Variants in CSMD1 observed in about 807,000 individuals in gnomAD.
CSMD1 encodes CUB and Sushi multiple domains 1.
CSMD1 carries 213 observed loss-of-function variants against 417.5 expected under a neutral mutation model. That is an observed-to-expected ratio of 0.51 (90% CI 0.46 to 0.57). The LOEUF (loss-of-function observed/expected upper bound fraction) is 0.57. Among genes scored for constraint, CSMD1 ranks in the 20% least tolerant of loss-of-function variants. CSMD1 has a pLI of 0.00. For synonymous variants in CSMD1, 2,862 were observed against 1,736.8 expected, an observed-to-expected ratio of 1.65 and a Z score of -16.11; for missense variants, 6,923 against 4,529.7, an observed-to-expected ratio of 1.53 and a Z score of -15.17.
At chr8:4,759,713 C>T (rs1422198974) in intron 1 of CSMD1, among the ~76,000 whole-genome samples, 2 of 152,256 alleles carry the variant, frequency 1.3e-5, no homozygotes, top group South Asian at 2.1e-4. Context: ...TGGCTTCCAG[C>T]TCTATCCATG....
intron 5 of CSMD1, among the ~76,000 whole-genome samples, chr8:3,877,207 G>C (rs1046691341): frequency 6.6e-6 from 1 of 152,068 alleles, no homozygotes; most frequent in Non-Finnish European, 1.5e-5. Flanking sequence ...TGGACACTGG[G>C]CTCAGCACCC....
chr8:4,121,240 A>C (rs1217232673), intron 3 of CSMD1, among the ~76,000 whole-genome samples: 1 of 151,870 alleles, frequency 6.6e-6, no homozygotes, highest in African/African-American at 2.4e-5. Context: ...TCAGCCTCCC[A>C]GCTATCTGGG....
chr8:4,560,822 C>T (rs1465716691), intron 2 of CSMD1, among the ~76,000 whole-genome samples: 1 of 152,208 alleles, frequency 6.6e-6, no homozygotes, highest in Admixed American at 6.5e-5. Context: ...TGTTCCTCTT[C>T]TGTCCTTCAC....
chr8:4,143,217 T>C (rs1803898740), intron 3 of CSMD1, among the ~76,000 whole-genome samples: 1 of 151,220 alleles, frequency 6.6e-6, no homozygotes, highest in African/African-American at 2.5e-5. Context: ...CACAGAACGG[T>C]GTGGTCTAAA....
chr8:3,773,341 T>G (rs1375811849), intron 5 of CSMD1, among the ~76,000 whole-genome samples: 2 of 152,132 alleles, frequency 1.3e-5, no homozygotes, highest in Non-Finnish European at 2.9e-5. Flanking sequence ...TGGAGTGCAG[T>G]GGTGCACTCT....
At chr8:4,400,025 T>C (rs918198462) in intron 3 of CSMD1, among the ~76,000 whole-genome samples, 1 of 152,018 alleles carries the variant, frequency 6.6e-6, no homozygotes, top group African/African-American at 2.4e-5. Context: ...CTAGTGGAGG[T>C]AGACAGACAC....
intron 1 of CSMD1, among the ~76,000 whole-genome samples, chr8:4,892,788 A>T (rs67234356): frequency 0.2 from 30,640 of 152,006 alleles, 3,856 homozygotes; most frequent in Non-Finnish European, 0.27. Flanking sequence ...ATAGGGTATA[A>T]ATCTACCTTG....
Position 3,468,769 on chromosome 8 carries a change from G to T in CSMD1, c.1504C>A (p.Leu502Ile). 6.2e-7 allele frequency: 1 copy of T among 1,606,996 alleles called. No homozygotes were observed. ...LIVSMSNQMWLHLQSDDSIGS... is the reference protein window; with the variant it reads ...LIVSMSNQMWIHLQSDDSIGS... The stretch of plus-strand genomic sequence containing the variant: ...ATGCTATCATCCGACTGCAGATGTA[G>T]CCACATCTGGTTGCTCATGCTCACA... Residue 502 changes from leucine to isoleucine, a missense_variant, in exon 12 of 70, where the codon CTA becomes ATA. Physicochemically the swap from Leu to Ile is conservative, Grantham distance 5 (BLOSUM62 2). Coordinates refer to ENST00000635120, the MANE Select transcript of CSMD1 (RefSeq NM_033225.6).
intron 1 of CSMD1, among the ~76,000 whole-genome samples, chr8:4,923,748 G>C (rs912624792): frequency 6.6e-6 from 1 of 152,008 alleles, no homozygotes; most frequent in African/African-American, 2.4e-5. Context: ...AAGGAACCTT[G>C]GAAAGGTCAT....
At chr8:4,291,125 G>A (rs1453065082) in intron 3 of CSMD1, among the ~76,000 whole-genome samples, 1 of 152,074 alleles carries the variant, frequency 6.6e-6, no homozygotes, top group African/African-American at 2.4e-5. Context: ...TTCTATGACA[G>A]GAATCTGAGT....
chr8:3,899,782 C>A (rs1006357504), intron 5 of CSMD1, among the ~76,000 whole-genome samples: 1 of 152,168 alleles, frequency 6.6e-6, no homozygotes, highest in Non-Finnish European at 1.5e-5. Context: ...CAGTTTTGAC[C>A]TGACTGGAAG....
chr8:2,935,507 A>G lies in CSMD1; in HGVS notation c.*3078T>C, dbSNP rs1383961106. ...CCACTTTAATATTAATACATGTGTA[A>G]TAGGATTGGAACTGAAAATCAGCTA... On this transcript the variant is annotated 3_prime_UTR_variant, in exon 70 of 70. Coordinates refer to ENST00000635120, the MANE Select transcript of CSMD1 (RefSeq NM_033225.6). 1.3e-5 allele frequency: 2 copies of G among 152,190 alleles called. No homozygotes were observed. The highest frequency in any genetic ancestry group is 4.8e-5 in the African/African-American group (2 of 41,444). The allele number at this position is 152,190 out of a possible 1,614,324, so 9.4% of individuals were successfully genotyped here. A position where few individuals can be genotyped will look rare whatever the true frequency, so the allele number is the denominator to read the frequency against.
Position 4,867,422 on chromosome 8 carries a change from C to G in CSMD1, c.85+126910G>C, listed in dbSNP as rs183899915. 1.6e-3 allele frequency among the ~76,000 whole-genome samples: 241 copies of G among 152,052 alleles called. 3 individuals carry two copies. Among genetic ancestry groups the G allele is most frequent in the African/African-American group, 5.4e-3 (223 of 41,432 alleles). On this transcript the variant is annotated intron_variant, in intron 1 of 69. Coordinates refer to ENST00000635120, the MANE Select transcript of CSMD1 (RefSeq NM_033225.6). The stretch of plus-strand genomic sequence containing the variant: ...ACTAAGATGCAGAACTTAAATACAC[C>G]CCTGTAAATAAAGACATTCCAATAA...
intron 1 of CSMD1, among the ~76,000 whole-genome samples, chr8:4,670,261 T>G (rs1396965390): frequency 6.6e-6 from 1 of 152,232 alleles, no homozygotes; most frequent in African/African-American, 2.4e-5. Context: ...TGGCCTTTAG[T>G]CTCCTGGAAG....
intron 3 of CSMD1, among the ~76,000 whole-genome samples, chr8:4,112,767 C>G (rs997628424): frequency 3.9e-5 from 6 of 152,176 alleles, no homozygotes; most frequent in Non-Finnish European, 5.9e-5. Context: ...AATGCTCCAG[C>G]TTATGGCTCC....
Position 3,397,968 on chromosome 8 carries a change from T to C in CSMD1, c.2405+1423A>G, listed in dbSNP as rs78049203. On this transcript the variant is annotated intron_variant, in intron 16 of 69. Transcript: ENST00000635120. ...TTCATCTTTTAAGAGCTGTGTACTA[T>C]GTCTAGAGTACAGATCACACATGTC... is the stretch of plus-strand genomic sequence containing the variant. 2.2e-4 allele frequency among the ~76,000 whole-genome samples: 33 copies of C among 152,318 alleles called. No individual in the cohort carries two copies. In the East Asian group the frequency reaches 2.3e-3, roughly 11 times the overall value.
intron 3 of CSMD1, among the ~76,000 whole-genome samples, chr8:4,060,927 A>C (rs900621733): frequency 4.6e-5 from 7 of 152,336 alleles, no homozygotes; most frequent in Middle Eastern, 3.4e-3. Flanking sequence ...CAGTAGAAGA[A>C]ACCAACATAG....
At chr8:4,139,889 A>C (rs73178305) in intron 3 of CSMD1, among the ~76,000 whole-genome samples, 1 of 150,604 alleles carries the variant, frequency 6.6e-6, no homozygotes, top group Non-Finnish European at 1.5e-5. Context: ...ATCAGAAGCA[A>C]GGGTGGAAGG....
chr8:3,697,374 T>G (rs539280092), intron 7 of CSMD1, among the ~76,000 whole-genome samples: 1 of 152,212 alleles, frequency 6.6e-6, no homozygotes, highest in African/African-American at 2.4e-5. Context: ...TTTTCTGAAT[T>G]CCCTTTGATC....
Sources: gnomAD v4.1 joint callset for allele counts (sites outside exome capture counted in the v4.1 genomes callset) on GRCh38, gnomAD v4.1.1 for gene constraint, MANE v1.5 for transcripts, NCBI Gene and HGNC (gene_info 2026-07-23, HGNC 2026-07-21) for gene names.